The following GEMIN5 variants were observed in gnomAD, a reference collection of about 807,000 sequenced individuals.
The protein encoded by GEMIN5 is gem nuclear organelle associated protein 5, also known as gem-associated protein 5.
GEMIN5 carries 124 observed loss-of-function variants against 176.9 expected under a neutral mutation model. The observed-to-expected ratio is 0.70, with a 90% confidence interval of 0.61 to 0.81. The LOEUF (loss-of-function observed/expected upper bound fraction) is 0.81. Ranked by LOEUF, GEMIN5 falls within the 40% of genes least tolerant of loss-of-function variation. The pLI is 0.00. For synonymous variants in GEMIN5, 673 were observed against 665.2 expected, an observed-to-expected ratio of 1.01 and a Z score of -0.18; for missense variants, 1,843 against 1,814.6, an observed-to-expected ratio of 1.02 and a Z score of -0.28.
At chr5:154,922,437 C>T (rs1005303379) in intron 9 of GEMIN5, among the ~76,000 whole-genome samples, 4 of 151,804 alleles carry the variant, frequency 2.6e-5, no homozygotes, top group Admixed American at 6.6e-5. Flanking sequence ...AAAGTGCTGG[C>T]AGCCACTGTG....
intron 20 of GEMIN5, 51 bp downstream of exon 20, chr5:154,902,488 C>G: frequency 6.3e-7 from 1 of 1,582,030 alleles, no homozygotes; most frequent in East Asian, 2.2e-5. Context: ...TGGACGTATC[C>G]TAGAGATGAT....
chr5:154,915,104 C>A (rs994695447), intron 13 of GEMIN5, among the ~76,000 whole-genome samples: 1 of 152,046 alleles, frequency 6.6e-6, no homozygotes, highest in African/African-American at 2.4e-5. Flanking sequence ...TCATAAGGAC[C>A]AGAATCAGCT....
Position 154,938,042 on chromosome 5 carries a change from G to A in GEMIN5, c.92C>T (p.Ala31Val), listed in dbSNP as rs1463523525. 3.9e-6 allele frequency: 6 copies of A among 1,549,300 alleles called. No homozygotes were observed. Among genetic ancestry groups the A allele is most frequent in the Non-Finnish European group, 5.2e-6 (6 of 1,151,548 alleles). ...GACAAGGAAGACGGAGGTCCGCGCG[G>A]CGAAGCCAAAGAGGCCCCCGGGCAC... ...DAVPGGLFGF[A>V]ARTSVFLVRV... Residue 31 changes from alanine (A) to valine (V), a missense_variant, in exon 1 of 28, where the codon GCC becomes GTC. By Grantham distance (64) the Ala-to-Val change is moderately conservative. Transcript: ENST00000285873.
chr5:154,904,963 C>T (rs910875725), intron 17 of GEMIN5, among the ~76,000 whole-genome samples: 10 of 152,156 alleles, frequency 6.6e-5, no homozygotes, highest in African/African-American at 1.9e-4. Flanking sequence ...GAGGCTGAGG[C>T]GGGCGGATCA....
At chr5:154,935,463 T>C (rs2113518206) in intron 3 of GEMIN5, among the ~76,000 whole-genome samples, 1 of 152,292 alleles carries the variant, frequency 6.6e-6, no homozygotes, top group South Asian at 2.1e-4. Flanking sequence ...GCCGCATCAC[T>C]TTCCCAATCT....
In GEMIN5 at chr5:154,891,452, G is replaced by A. The variant is rs772353508; in HGVS notation, c.4051C>T (p.Arg1351Ter). Reference protein sequence around the residue: ...LDLRLTEEGERMLSTFKELFS... With the variant: ...LDLRLTEEGE ...AGCTCCTTAAAAGTACTCAGCATTC[G>A]CTCACCTTCTTCTGTGAGTCTCAAG... Residue 1351 changes from arginine to a stop codon, truncating the protein, a stop_gained, in exon 26 of 28, where the codon CGA becomes TGA. Coordinates refer to ENST00000285873, the MANE Select transcript of GEMIN5 (RefSeq NM_015465.5). LOFTEE classifies it high-confidence loss of function. 19 of 1,613,916 alleles carry A rather than the reference G, an allele frequency of 1.2e-5. No individual in the cohort carries two copies. Among genetic ancestry groups the A allele is most frequent in the East Asian group, 4.5e-5 (2 of 44,886 alleles).
intron 23 of GEMIN5, among the ~76,000 whole-genome samples, chr5:154,896,762 C>T (rs1336021678): frequency 6.6e-6 from 1 of 152,190 alleles, no homozygotes; most frequent in East Asian, 1.9e-4. Context: ...CTGGAATAGA[C>T]AAGCTTTGCA....
At chr5:154,902,399 T>C in intron 20 of GEMIN5, 140 bp downstream of exon 20, 1 of 728,682 alleles carries the variant, frequency 1.4e-6, no homozygotes, top group South Asian at 2.4e-5. Flanking sequence ...GATTTATTAG[T>C]TTGTCTATTG....
intron 17 of GEMIN5, 82 bp downstream of exon 17, chr5:154,905,281 G>GT: frequency 1.6e-6 from 1 of 614,760 alleles, no homozygotes; most frequent in Non-Finnish European, 2.9e-6. Context: ...AAACCACACT[G>GT]TTTTTTGACA....
intron 24 of GEMIN5, among the ~76,000 whole-genome samples, chr5:154,893,712 T>C (rs1763288882): frequency 6.6e-6 from 1 of 152,226 alleles, no homozygotes; most frequent in Admixed American, 6.5e-5. Context: ...TTTGTGTCTT[T>C]AAAGCTTTTG....
chr5:154,901,105 C>A (rs760885717), intron 21 of GEMIN5, among the ~76,000 whole-genome samples: 2 of 152,116 alleles, frequency 1.3e-5, no homozygotes, highest in African/African-American at 4.8e-5. Context: ...GCACGAGGAT[C>A]GCTTGAGCCC....
chr5:154,931,632 A>T, intron 4 of GEMIN5, 55 bp from the exon 5 acceptor site: 2 of 1,449,844 alleles, frequency 1.4e-6, no homozygotes, highest in African/African-American at 1.4e-5. Context: ...GCACTAATAT[A>T]AAAAAATTAG....
At chr5:154,902,445 C>A (rs980967972) in intron 20 of GEMIN5, 94 bp downstream of exon 20, 2 of 1,144,476 alleles carry the variant, frequency 1.7e-6, no homozygotes, top group African/African-American at 3.1e-5. Flanking sequence ...TAAGTGATTT[C>A]AAGCTTAAGA....
chr5:154,925,817 T>C (rs1264551822), intron 8 of GEMIN5, 45 bp downstream of exon 8: 2 of 1,077,410 alleles, frequency 1.9e-6, no homozygotes, highest in Non-Finnish European at 2.8e-6. Flanking sequence ...GAGAATTATT[T>C]GGAAAAAAAA....
Position 154,889,364 on chromosome 5 carries a change from G to A in GEMIN5, c.4316C>T (p.Thr1439Ile), listed in dbSNP as rs775172009. The A allele has an allele frequency of 8.1e-6, 13 of 1,610,398 alleles. No individual in the cohort carries two copies. Among genetic ancestry groups the A allele is most frequent in the Non-Finnish European group, 1.0e-5 (12 of 1,176,848 alleles). ...LSLPELTKRL[T>I]EANQRMAKFP... ...TTTCGCCATTCTCTGATTTGCCTCGGTAAGCCTTTTGGTTAACTCAGGCAG... is the reference window on the plus strand; with the variant it reads ...TTTCGCCATTCTCTGATTTGCCTCGATAAGCCTTTTGGTTAACTCAGGCAG... Residue 1439 changes from threonine to isoleucine, a missense_variant, in exon 27 of 28, where the codon ACC becomes ATC. Transcript: ENST00000285873.
rs386405383 is a variant in GEMIN5 at position 154,908,172 on chromosome 5, C to CTTTTT, written c.2168-359_2168-355dup. Among the ~76,000 whole-genome samples, 15 of 73,076 alleles carry CTTTTT rather than the reference C, an allele frequency of 2.1e-4. 2 individuals are homozygous for CTTTTT. Among genetic ancestry groups the CTTTTT allele is most frequent in the African/African-American group, 5.3e-4 (10 of 18,922 alleles). 47.9% of individuals were successfully genotyped at this position (73,076 alleles called of 152,430 possible). On this transcript the variant is annotated intron_variant, in intron 15 of 27. Transcript: ENST00000285873. The stretch of plus-strand genomic sequence containing the variant: ...GTTCTGCCAATTTTACCCAGATGTC[C>CTTTTT]TTTTTTTTTTTTTTTTTTTTTTTTT...
At chr5:154,905,700 GT>G (rs112942279) in intron 16 of GEMIN5, among the ~76,000 whole-genome samples, 92 of 139,050 alleles carry the variant, frequency 6.6e-4, no homozygotes, top group Admixed American at 1.1e-3. Flanking sequence ...TATTACTTTG[GT>G]TTTTTTTTTT....
intron 15 of GEMIN5, among the ~76,000 whole-genome samples, chr5:154,908,139 C>CTATTTAAG (rs995307727): frequency 1.5e-5 from 2 of 136,994 alleles, no homozygotes; most frequent in African/African-American, 5.5e-5. Flanking sequence ...TCCATACTCT[C>CTATTTAAG]TATTTAAGTT....
chr5:154,888,181 T>A lies in GEMIN5; in HGVS notation c.*29A>T. The A allele has an allele frequency of 6.2e-7, 1 of 1,607,604 alleles. No homozygotes were observed. The highest frequency in any genetic ancestry group is 2.2e-5 in the East Asian group (1 of 44,856). On this transcript the variant is annotated 3_prime_UTR_variant, in exon 28 of 28. Coordinates refer to ENST00000285873, the MANE Select transcript of GEMIN5 (RefSeq NM_015465.5). ...GTGAAAGATGTCAAACATTTTCAAT[T>A]TGGCAGTTTCTTCAAGGTGTGTGAA...
Sources: allele counts gnomAD v4.1 joint callset (sites outside exome capture counted in the v4.1 genomes callset), GRCh38; gene constraint gnomAD v4.1.1; transcripts MANE v1.5; gene names NCBI Gene and HGNC (gene_info 2026-07-23, HGNC 2026-07-21).